The following USP4 variants were observed in gnomAD, a reference collection of about 807,000 sequenced individuals.
The protein encoded by USP4 is ubiquitin carboxyl-terminal hydrolase 4.
Under a neutral mutation model 118.2 loss-of-function variants are expected in USP4, and 72 were observed. The observed-to-expected ratio is 0.61, with a 90% confidence interval of 0.50 to 0.74. USP4 has a LOEUF of 0.74. USP4 is among the 30% of genes least tolerant of loss of function. USP4 has a pLI of 0.00. For synonymous variants in USP4, 415 were observed against 440.4 expected, an observed-to-expected ratio of 0.94 and a Z score of 0.72; for missense variants, 1,037 against 1,185.7, an observed-to-expected ratio of 0.87 and a Z score of 1.84.
intron 6 of USP4, chr3:49,317,116 G>A (rs746742034): frequency 2.9e-6 from 4 of 1,362,370 alleles, no homozygotes; most frequent in Non-Finnish European, 4.2e-6. Context: ...TTTCTGGTCT[G>A]AGGCTGTAGC....
intron 7 of USP4, 108 bp downstream of exon 7, chr3:49,311,406 G>A (rs2047381252): frequency 3.3e-6 from 4 of 1,222,566 alleles, no homozygotes; most frequent in East Asian, 2.4e-5. Flanking sequence ...ATGTTCCCAT[G>A]AGGAACTCTA....
intron 10 of USP4, among the ~76,000 whole-genome samples, 185 bp from the exon 11 acceptor site, chr3:49,300,876 A>C (rs1205601130): frequency 6.6e-6 from 1 of 152,096 alleles, no homozygotes; most frequent in Non-Finnish European, 1.5e-5. Context: ...TGCCAGCTCT[A>C]CGCCCAATCC....
chr3:49,280,008 TCCCAAC>T (rs1330586905), intron 20 of USP4, among the ~76,000 whole-genome samples: 4 of 152,162 alleles, frequency 2.6e-5, no homozygotes, highest in Non-Finnish European at 5.9e-5. Flanking sequence ...ACACCTGTGA[TCCCAAC>T]ACTTTGGGAG....
At position 49,286,312 on chromosome 3, in the gene USP4, T is replaced by G; in HGVS notation, c.1986A>C (p.Glu662Asp). Residue 662 changes from glutamate to aspartate, a missense_variant, in exon 16 of 22, where the codon GAA (glutamate) becomes GAC (aspartate). Physicochemically the swap from Glu to Asp is conservative, Grantham distance 45. This residue lies in a region of USP4 where 522 missense variants were observed against 592.6 expected (regional missense o/e 0.88). Coordinates refer to ENST00000265560, the MANE Select transcript of USP4 (RefSeq NM_003363.4). ...TGCCTTCTTCCTGATGCTCCATTTC[T>G]TCCTCATCTTCTCCTGGCACATAAA... ...SRNSCEGEDE[E>D]EMEHQEEGKE... The G allele has an allele frequency of 1.2e-6, 2 of 1,614,194 alleles. No homozygotes were observed. The highest frequency in any genetic ancestry group is 1.7e-6 in the Non-Finnish European group (2 of 1,180,028).
In USP4 at chr3:49,280,765, C is replaced by A. The variant is rs868738815; in HGVS notation, c.2623G>T (p.Gly875Ter). Residue 875 changes from glycine (G) to a stop codon, truncating the protein, a stop_gained, in exon 20 of 22, where the codon GGA becomes TGA. Transcript: ENST00000265560. LOFTEE classifies it high-confidence loss of function. ...YDLIAVSNHY[G>*]AMGVGHYTAY... ...TTACAGTGGCCAACCCCCATGGCTC[C>A]ATAATGATTGGACACGGCAATGAGG... is the stretch of plus-strand genomic sequence containing the variant. 1 of 1,614,066 alleles carries A rather than the reference C, an allele frequency of 6.2e-7. No homozygotes were observed. The highest frequency in any genetic ancestry group is 8.5e-7 in the Non-Finnish European group (1 of 1,179,970).
At chr3:49,326,669 A>T (rs912652291) in intron 3 of USP4, among the ~76,000 whole-genome samples, 2 of 149,944 alleles carry the variant, frequency 1.3e-5, no homozygotes, top group Non-Finnish European at 3.0e-5. Flanking sequence ...TGCTGGGATT[A>T]CAGGCGTGAG....
intron 3 of USP4, among the ~76,000 whole-genome samples, chr3:49,326,751 C>T (rs547814436): frequency 7.0e-6 from 1 of 142,930 alleles, no homozygotes; most frequent in South Asian, 2.3e-4. Context: ...TGCCAGGCTG[C>T]AGTACAGTGG....
At chr3:49,316,198 A>C (rs549754364) in intron 6 of USP4, among the ~76,000 whole-genome samples, 2 of 152,290 alleles carry the variant, frequency 1.3e-5, no homozygotes, top group African/African-American at 4.8e-5. Flanking sequence ...GCGAGACTTC[A>C]TCTAAAAAAA....
intron 4 of USP4, 146 bp from the exon 5 acceptor site, chr3:49,325,185 C>T (rs2047539488): frequency 9.6e-7 from 1 of 1,036,848 alleles, no homozygotes; most frequent in East Asian, 2.4e-5. Context: ...AATCAATCAT[C>T]TCCCATGGGT....
chr3:49,327,751 C>T lies in USP4; in HGVS notation c.295G>A (p.Glu99Lys), dbSNP rs377758148. The T allele has an allele frequency of 1.9e-5, 31 of 1,613,976 alleles. No individual in the cohort carries two copies. In the African/African-American group the frequency reaches 3.3e-4, roughly 17 times the overall value. ...DELDYVLVPT[E>K]AWNKLLNWYG... ...CAGTTTAGTAGTTTATTCCACGCCT[C>T]GGTAGGGACCAATACATAGTCCAAT... The change falls in exon 3 of 22, where the codon GAG becomes AAG. Residue 99 changes from glutamate (E) to lysine (K), a missense_variant. Coordinates refer to ENST00000265560, the MANE Select transcript of USP4 (RefSeq NM_003363.4).
At chr3:49,314,693 C>G (rs370096039) in intron 6 of USP4, among the ~76,000 whole-genome samples, 2 of 152,112 alleles carry the variant, frequency 1.3e-5, no homozygotes, top group Non-Finnish European at 2.9e-5. Context: ...TTCTCAGTAA[C>G]TATTCATTGA....
At chr3:49,324,869 T>C (rs760683130) in intron 5 of USP4, 25 bp downstream of exon 5, 2 of 1,613,934 alleles carry the variant, frequency 1.2e-6, no homozygotes, top group African/African-American at 1.3e-5. Flanking sequence ...AGCTACCTGC[T>C]GGGGAATGGC....
chr3:49,297,769 G>A, intron 13 of USP4, 101 bp downstream of exon 13: 1 of 969,246 alleles, frequency 1.0e-6, no homozygotes. Flanking sequence ...ATCCACATGA[G>A]CAATGACTGC....
intron 6 of USP4, chr3:49,317,427 G>A (rs1300606184): frequency 2.1e-5 from 20 of 943,784 alleles, no homozygotes; most frequent in Non-Finnish European, 3.0e-5. Flanking sequence ...CCAGCTTGTT[G>A]TCGTAGTTCT....
At chr3:49,313,294 AGGTG>A (rs2047405124) in intron 6 of USP4, among the ~76,000 whole-genome samples, 1 of 152,110 alleles carries the variant, frequency 6.6e-6, no homozygotes, top group South Asian at 2.1e-4. Context: ...TGGGAGGCTG[AGGTG>A]GGTGGATCAC....
At chr3:49,298,742 T>C in intron 11 of USP4, 107 bp from the exon 12 acceptor site, 2 of 968,008 alleles carry the variant, frequency 2.1e-6, no homozygotes, top group Non-Finnish European at 1.7e-6. Flanking sequence ...CTAGAAACAA[T>C]GTATGGTGAG....
intron 5 of USP4, 21 bp downstream of exon 5, chr3:49,324,873 G>C: frequency 6.2e-7 from 1 of 1,614,026 alleles, no homozygotes; most frequent in African/African-American, 1.3e-5. Flanking sequence ...ACCTGCTGGG[G>C]AATGGCCAGG....
chr3:49,278,445 C>A lies in USP4; in HGVS notation c.2740G>T (p.Ala914Ser). 1 of 1,613,618 alleles carries A rather than the reference C, an allele frequency of 6.2e-7. No homozygotes were observed. The highest frequency in any genetic ancestry group is 8.5e-7 in the Non-Finnish European group (1 of 1,179,836). ...CGTTGGTAAAATAGCACATAAGCTG[C>A]TTTAGTCTGAAATACAAGAGGGGGA... ...LASEDQIVTK[A>S]AYVLFYQRRD... The change falls in exon 22 of 22, where the codon GCA becomes TCA. Residue 914 changes from alanine to serine, a missense_variant. Physicochemically the swap from Ala to Ser is moderately conservative, Grantham distance 99. Transcript: ENST00000265560.
intron 12 of USP4, 26 bp downstream of exon 12, chr3:49,298,526 G>T: frequency 1.2e-6 from 2 of 1,609,750 alleles, no homozygotes; most frequent in Non-Finnish European, 1.7e-6. Flanking sequence ...CAAATAGACC[G>T]AGTGCCACTG....
Sources: gnomAD v4.1 joint callset for allele counts (sites outside exome capture counted in the v4.1 genomes callset) on GRCh38, gnomAD v4.1.1 for gene constraint, gnomAD v4.1.1 regional missense constraint, MANE v1.5 for transcripts, NCBI Gene and HGNC (gene_info 2026-07-23, HGNC 2026-07-21) for gene names.